The following TBC1D22A variants were observed in gnomAD, a reference collection of about 807,000 sequenced individuals.
TBC1D22A encodes TBC1 domain family member 22A.
A neutral mutation model predicts 60.2 loss-of-function variants in TBC1D22A; 38 were observed. The observed-to-expected ratio is 0.63, with a 90% CI of 0.49 to 0.83. The LOEUF is 0.83. Ranked by LOEUF, TBC1D22A falls within the 40% of genes least tolerant of loss-of-function variation. The pLI, the probability that TBC1D22A is intolerant of heterozygous loss-of-function variation, is 0.00. For missense variants in TBC1D22A, 628 were observed against 701.0 expected, an observed-to-expected ratio of 0.90 and a Z score of 1.18; for synonymous variants, 302 against 281.7, an observed-to-expected ratio of 1.07 and a Z score of -0.72.
chr22:47,135,055 A>G (rs1401802702), intron 12 of TBC1D22A, among the ~76,000 whole-genome samples: 4 of 152,190 alleles, frequency 2.6e-5, no homozygotes, highest in African/African-American at 9.6e-5. Context: ...GGCCAGACTC[A>G]GACCCCCGCC....
chr22:47,172,778 G>T (rs1478169273), intron 12 of TBC1D22A, among the ~76,000 whole-genome samples: 1 of 152,220 alleles, frequency 6.6e-6, no homozygotes, highest in Non-Finnish European at 1.5e-5. Context: ...CACCAGGTTG[G>T]ACCTAGACCT....
At chr22:46,830,306 T>C (rs2147150882) in intron 4 of TBC1D22A, among the ~76,000 whole-genome samples, 1 of 152,368 alleles carries the variant, frequency 6.6e-6, no homozygotes, top group East Asian at 1.9e-4. Flanking sequence ...CCACTCACAC[T>C]ACTTCCCATC....
intron 8 of TBC1D22A, among the ~76,000 whole-genome samples, chr22:46,962,931 G>A (rs898373963): frequency 6.6e-6 from 1 of 152,030 alleles, no homozygotes; most frequent in East Asian, 1.9e-4. Flanking sequence ...ATCAGTGCCT[G>A]GGCCGGGTGC....
chr22:46,878,300 A>AAGAGAGAGAAGGAGGGGGGAGGG (rs2067662382), intron 4 of TBC1D22A, among the ~76,000 whole-genome samples: 4 of 290 alleles, frequency 0.014, no homozygotes, highest in East Asian at 0.071. Context: ...GGGGGGAAGG[A>AAGAGAGAGAAGGAGGGGGGAGGG]AGAGAGAGAA....
chr22:46,828,494 TCA>T (rs1158760077), intron 4 of TBC1D22A, among the ~76,000 whole-genome samples: 1 of 152,238 alleles, frequency 6.6e-6, no homozygotes, highest in Non-Finnish European at 1.5e-5. Context: ...GTCCTGGAGT[TCA>T]CACTCTCCCT....
intron 11 of TBC1D22A, among the ~76,000 whole-genome samples, chr22:47,096,256 T>C (rs1405143684): frequency 6.6e-6 from 1 of 152,220 alleles, no homozygotes; most frequent in African/African-American, 2.4e-5. Flanking sequence ...GCCTAAACTT[T>C]GTATTCATCA....
intron 4 of TBC1D22A, among the ~76,000 whole-genome samples, chr22:46,831,815 G>A (rs543040951): frequency 6.6e-6 from 1 of 152,316 alleles, no homozygotes; most frequent in Admixed American, 6.5e-5. Flanking sequence ...TTGGCAATCC[G>A]TTTGAAAGAG....
chr22:47,146,118 T>C (rs1601665781), intron 12 of TBC1D22A, among the ~76,000 whole-genome samples: 1 of 148,756 alleles, frequency 6.7e-6, no homozygotes, highest in East Asian at 2.0e-4. Flanking sequence ...GGGGATGTGC[T>C]GGATTGCTGG....
chr22:47,066,658 G>C (rs1302872820), intron 11 of TBC1D22A, among the ~76,000 whole-genome samples: 1 of 152,230 alleles, frequency 6.6e-6, no homozygotes, highest in Admixed American at 6.5e-5. Context: ...ACAGTTCCCT[G>C]TACCTTGGCA....
chr22:46,921,622 G>C (rs1276008961), intron 8 of TBC1D22A, among the ~76,000 whole-genome samples: 1 of 152,170 alleles, frequency 6.6e-6, no homozygotes, highest in Non-Finnish European at 1.5e-5. Context: ...GGGATTGCTG[G>C]GTTGAACAGT....
chr22:46,954,155 G>C (rs1268414886), intron 8 of TBC1D22A, among the ~76,000 whole-genome samples: 3 of 151,000 alleles, frequency 2.0e-5, no homozygotes, highest in Admixed American at 2.0e-4. Flanking sequence ...GTCCACAGTA[G>C]CAAGTCCACA....
intron 8 of TBC1D22A, among the ~76,000 whole-genome samples, chr22:46,968,786 CTT>C (rs548145127): frequency 1.3e-5 from 2 of 152,232 alleles, no homozygotes; most frequent in Admixed American, 6.5e-5. Context: ...AATTTCTGCT[CTT>C]TGTTTCCCTA....
At chr22:47,017,005 G>A (rs2061930713) in intron 10 of TBC1D22A, among the ~76,000 whole-genome samples, 1 of 152,200 alleles carries the variant, frequency 6.6e-6, no homozygotes, top group African/African-American at 2.4e-5. Context: ...GCCGATGGCG[G>A]CTTTTTCTAA....
At chr22:47,141,954 T>C (rs1347121627) in intron 12 of TBC1D22A, among the ~76,000 whole-genome samples, 1 of 152,188 alleles carries the variant, frequency 6.6e-6, no homozygotes, top group African/African-American at 2.4e-5. Flanking sequence ...TTTTTATGGA[T>C]CAATTTTATC....
At chr22:46,812,978 A>G (rs944128671) in intron 4 of TBC1D22A, among the ~76,000 whole-genome samples, 22 of 151,772 alleles carry the variant, frequency 1.4e-4, no homozygotes, top group African/African-American at 4.8e-4. Flanking sequence ...TCGTGTCCGG[A>G]GCTGTCCGTG....
chr22:47,027,885 T>A (rs1321171556), intron 10 of TBC1D22A, among the ~76,000 whole-genome samples: 2 of 152,196 alleles, frequency 1.3e-5, no homozygotes, highest in Non-Finnish European at 2.9e-5. Flanking sequence ...TCTCCCTGTC[T>A]TGTCCAGCCC....
chr22:46,868,033 G>A (rs765306152), intron 4 of TBC1D22A, among the ~76,000 whole-genome samples: 6 of 152,202 alleles, frequency 3.9e-5, no homozygotes, highest in Non-Finnish European at 8.8e-5. Context: ...ACTGGAAGCC[G>A]CCATTGTTTG....
At chr22:46,858,921 G>C (rs1053914500) in intron 4 of TBC1D22A, among the ~76,000 whole-genome samples, 1 of 152,246 alleles carries the variant, frequency 6.6e-6, no homozygotes, top group African/African-American at 2.4e-5. Flanking sequence ...CAAAAATGAT[G>C]AGAAAAAAAA....
chr22:47,079,731 C>T (rs2064382263), intron 11 of TBC1D22A, among the ~76,000 whole-genome samples: 2 of 152,074 alleles, frequency 1.3e-5, no homozygotes, highest in African/African-American at 4.8e-5. Flanking sequence ...AAGAGGAGTA[C>T]AGAAGAGAAC....
Sources: gnomAD v4.1 joint callset for allele counts (sites outside exome capture counted in the v4.1 genomes callset) on GRCh38, gnomAD v4.1.1 for gene constraint, MANE v1.5 for transcripts, NCBI Gene and HGNC (gene_info 2026-07-23, HGNC 2026-07-21) for gene names.